LUZP2: variants seen among roughly 807,000 people sequenced by gnomAD.
The protein encoded by LUZP2 is leucine zipper protein 2.
In LUZP2, 52 loss-of-function variants were observed where a neutral mutation model predicts 51.6. The ratio of observed to expected loss-of-function variants is 1.01; its 90% CI spans 0.81 to 1.27. LUZP2 has a LOEUF of 1.27. LUZP2 is among the 50% of genes most tolerant of loss of function. The pLI, the probability that LUZP2 is intolerant of heterozygous loss-of-function variation, is 0.00. For synonymous variants in LUZP2, 154 were observed against 137.3 expected, an observed-to-expected ratio of 1.12 and a Z score of -0.85; for missense variants, 436 against 395.4, an observed-to-expected ratio of 1.10 and a Z score of -0.87.
Position 24,820,587 on chromosome 11 carries a change from T to C in LUZP2, c.396+57279T>C, listed in dbSNP as rs189731462. 6.6e-4 allele frequency among the ~76,000 whole-genome samples: 100 copies of C among 152,160 alleles called. 2 individuals are homozygous for C. The East Asian group carries it at 0.019, about 29-fold the overall frequency. ...ACTAGTGATGAGATCTGAAAAATAA[T>C]AAATGTAGATAACTGACAGTAGGAT... On this transcript the variant is annotated intron_variant, in intron 5 of 11. Transcript: ENST00000336930.
chr11:25,063,748 G>A lies in LUZP2; in HGVS notation c.859-13581G>A, dbSNP rs555651234. On this transcript the variant is annotated intron_variant, in intron 10 of 11. Transcript: ENST00000336930. ...TTTGTTAAATACATAATTTCAGAGA[G>A]TGGTCCACAATGATAAAAATACATA... Among the ~76,000 whole-genome samples, 47 of 151,822 alleles carry A rather than the reference G, an allele frequency of 3.1e-4. 1 individual carries two copies. In the East Asian group the frequency reaches 8.5e-3, roughly 27 times the overall value.
intron 4 of LUZP2, among the ~76,000 whole-genome samples, chr11:24,760,139 T>C (rs565377644): frequency 6.6e-6 from 1 of 152,166 alleles, no homozygotes; most frequent in Non-Finnish European, 1.5e-5. Context: ...TGATTGGCAA[T>C]TGGTTATCTA....
At chr11:24,700,789 A>T (rs1201162680) in intron 1 of LUZP2, among the ~76,000 whole-genome samples, 1 of 152,138 alleles carries the variant, frequency 6.6e-6, no homozygotes, top group African/African-American at 2.4e-5. Context: ...TGACATTATA[A>T]TCAGTGGGGG....
rs1410486353 is a variant in LUZP2 at position 25,082,194 on chromosome 11, T to A, written c.*3536T>A. ...TTTTTTCATTCCTTATGCAAATGTTTAGCATCATAGTGCTGTTTCAGATAC... is the reference window on the plus strand; with the variant it reads ...TTTTTTCATTCCTTATGCAAATGTTAAGCATCATAGTGCTGTTTCAGATAC... On this transcript the variant is annotated 3_prime_UTR_variant, in exon 12 of 12. Transcript: ENST00000336930. 1 of 152,642 alleles carries A rather than the reference T, an allele frequency of 6.6e-6. No homozygotes were observed. Among genetic ancestry groups the A allele is most frequent in the Non-Finnish European group, 1.5e-5 (1 of 68,018 alleles). The allele number at this position is 152,642 out of a possible 1,614,324, so 9.5% of individuals were successfully genotyped here.
chr11:24,668,920 A>G (rs1856307086), intron 1 of LUZP2, among the ~76,000 whole-genome samples: 1 of 152,164 alleles, frequency 6.6e-6, no homozygotes, highest in Non-Finnish European at 1.5e-5. Flanking sequence ...TTTTCCAAAC[A>G]TAGGTTTGAA....
intron 4 of LUZP2, among the ~76,000 whole-genome samples, chr11:24,755,946 A>G (rs1173097735): frequency 1.3e-5 from 2 of 152,134 alleles, no homozygotes; most frequent in Non-Finnish European, 2.9e-5. Context: ...AATCCTGAAG[A>G]CATTAACTGC....
At chr11:24,777,273 T>G (rs1424790207) in intron 5 of LUZP2, among the ~76,000 whole-genome samples, 4 of 151,976 alleles carry the variant, frequency 2.6e-5, no homozygotes, top group African/African-American at 7.2e-5. Flanking sequence ...AATTACAGGC[T>G]TGAGCCACCG....
At chr11:24,967,892 T>C (rs1351247091) in intron 7 of LUZP2, among the ~76,000 whole-genome samples, 1 of 152,152 alleles carries the variant, frequency 6.6e-6, no homozygotes, top group Non-Finnish European at 1.5e-5. Flanking sequence ...CTTTGAATCA[T>C]ATATACATAT....
At chr11:24,583,173 C>G (rs993977234) in intron 1 of LUZP2, among the ~76,000 whole-genome samples, 1 of 152,002 alleles carries the variant, frequency 6.6e-6, no homozygotes, top group Non-Finnish European at 1.5e-5. Flanking sequence ...TATCACATAT[C>G]ATTATATGTA....
chr11:24,897,217 T>C (rs1245885312), intron 5 of LUZP2, among the ~76,000 whole-genome samples: 1 of 151,996 alleles, frequency 6.6e-6, no homozygotes, highest in East Asian at 1.9e-4. Context: ...CAGCACTCCG[T>C]AAAATGGGCC....
intron 5 of LUZP2, among the ~76,000 whole-genome samples, chr11:24,831,333 TA>T (rs1182569468): frequency 6.6e-6 from 1 of 152,206 alleles, no homozygotes; most frequent in Non-Finnish European, 1.5e-5. Flanking sequence ...CACAGAGAGA[TA>T]CAGGCAATTC....
Position 24,592,015 on chromosome 11 carries a change from A to G in LUZP2, c.62+94710A>G, listed in dbSNP as rs139431674. On this transcript the variant is annotated intron_variant, in intron 1 of 11. Coordinates refer to ENST00000336930, the MANE Select transcript of LUZP2 (RefSeq NM_001009909.4). ...CCTGTTATATTTTGTGCAGATTAACAAAGAGCCATTGGGGAAAAGGAACTG... is the reference window on the plus strand; with the variant it reads ...CCTGTTATATTTTGTGCAGATTAACGAAGAGCCATTGGGGAAAAGGAACTG... Among the ~76,000 whole-genome samples, 338 of 152,306 alleles carry G rather than the reference A, an allele frequency of 2.2e-3. 1 individual carries two copies. Among genetic ancestry groups the G allele is most frequent in the Middle Eastern group, 0.017 (5 of 294 alleles).
At chr11:24,787,273 G>C (rs1214234403) in intron 5 of LUZP2, among the ~76,000 whole-genome samples, 1 of 152,110 alleles carries the variant, frequency 6.6e-6, no homozygotes, top group Non-Finnish European at 1.5e-5. Context: ...TGTTAAAAAA[G>C]ATTGAGCTGA....
intron 7 of LUZP2, among the ~76,000 whole-genome samples, chr11:24,931,621 A>G (rs1246713278): frequency 6.6e-6 from 1 of 152,110 alleles, no homozygotes; most frequent in Non-Finnish European, 1.5e-5. Flanking sequence ...TTCTTTTTCC[A>G]TATCCTTAGA....
At chr11:24,846,266 C>T (rs552294834) in intron 5 of LUZP2, among the ~76,000 whole-genome samples, 1 of 151,824 alleles carries the variant, frequency 6.6e-6, no homozygotes, top group African/African-American at 2.4e-5. Flanking sequence ...AAATGTATAG[C>T]CCTTCATGAA....
rs143165569 is a variant in LUZP2, at chr11:24,820,297, G to A, written c.396+56989G>A. Among the ~76,000 whole-genome samples the A allele has an allele frequency of 3.5e-3, 538 of 152,220 alleles. 2 individuals are homozygous for A. The highest frequency in any genetic ancestry group is 0.012 in the African/African-American group (507 of 41,562). ...GCCTGAAAGGAAACAACAGAGAAGA[G>A]CATGTTTGACACTATGGGCAAGTGA... is the stretch of plus-strand genomic sequence containing the variant. On this transcript the variant is annotated intron_variant, in intron 5 of 11. Transcript: ENST00000336930.
At chr11:24,871,893 A>G (rs1320834046) in intron 5 of LUZP2, among the ~76,000 whole-genome samples, 1 of 152,124 alleles carries the variant, frequency 6.6e-6, no homozygotes, top group Non-Finnish European at 1.5e-5. Flanking sequence ...CCCAAACTAT[A>G]ATAGTATACA....
At chr11:24,679,110 T>C (rs1856655266) in intron 1 of LUZP2, among the ~76,000 whole-genome samples, 1 of 152,186 alleles carries the variant, frequency 6.6e-6, no homozygotes, top group Non-Finnish European at 1.5e-5. Context: ...GTAAAATATG[T>C]GTAGAAAGAA....
intron 9 of LUZP2, among the ~76,000 whole-genome samples, chr11:24,996,592 ATTTTATTTTATTTTATT>A (rs1269719433): frequency 6.6e-5 from 3 of 45,218 alleles, no homozygotes; most frequent in Non-Finnish European, 1.3e-4. Flanking sequence ...ATTTTATTTT[ATTTTATTTTATTTTATT>A]TTATTTTATT....
Sources: allele counts gnomAD v4.1 joint callset (sites outside exome capture counted in the v4.1 genomes callset), GRCh38; gene constraint gnomAD v4.1.1; transcripts MANE v1.5; gene names NCBI Gene and HGNC (gene_info 2026-07-23, HGNC 2026-07-21).